Variants in DEPDC5 observed in about 807,000 individuals in gnomAD.
The protein encoded by DEPDC5 is GATOR1 complex protein DEPDC5.
A neutral mutation model predicts 217.3 loss-of-function variants in DEPDC5; 73 were observed. The observed-to-expected ratio is 0.34, with a 90% CI of 0.28 to 0.41. The LOEUF (loss-of-function observed/expected upper bound fraction) is 0.41. Ranked by LOEUF, DEPDC5 falls within the 10% of genes least tolerant of loss-of-function variation. The pLI is 1.00. For missense variants in DEPDC5, 1,675 were observed against 2,070.1 expected (o/e 0.81, Z 3.70); for synonymous variants, 733 against 756.7 (o/e 0.97, Z 0.51).
At chr22:31,888,608 G>A (rs1444610569) in intron 38 of DEPDC5, among the ~76,000 whole-genome samples, 1 of 151,964 alleles carries the variant, frequency 6.6e-6, no homozygotes, top group Non-Finnish European at 1.5e-5. Context: ...GGAGTGCTGT[G>A]GCATGATCCT....
intron 3 of DEPDC5, among the ~76,000 whole-genome samples, chr22:31,760,143 C>T (rs951302549): frequency 2.0e-5 from 3 of 151,774 alleles, no homozygotes; most frequent in African/African-American, 7.3e-5. Flanking sequence ...TCTTGGCTCA[C>T]TGCAAGCTCC....
intron 32 of DEPDC5, among the ~76,000 whole-genome samples, chr22:31,859,687 G>A (rs899378926): frequency 2.7e-4 from 41 of 152,224 alleles, no homozygotes; most frequent in East Asian, 2.1e-3. Context: ...GCCACCATGC[G>A]CAGCCGTAAA....
At chr22:31,881,393 G>A (rs2093172062) in intron 38 of DEPDC5, among the ~76,000 whole-genome samples, 1 of 152,080 alleles carries the variant, frequency 6.6e-6, no homozygotes, top group South Asian at 2.1e-4. Context: ...TGAAGGGGTG[G>A]GGAGGATAGG....
At chr22:31,773,648 CTGAGAAAAAAGATGCTGTGGGCCTCCTG>C (rs2148254811) in intron 7 of DEPDC5, among the ~76,000 whole-genome samples, 1 of 152,244 alleles carries the variant, frequency 6.6e-6, no homozygotes, top group African/African-American at 2.4e-5. Context: ...TCGTGAATGC[CTGAGAAAAAAGATGCTGTGGGCCTCCTG>C]TGAGAAAAAT....
intron 32 of DEPDC5, 42 bp from the exon 33 acceptor site, chr22:31,861,326 C>T: frequency 6.5e-7 from 1 of 1,546,054 alleles, no homozygotes; most frequent in South Asian, 1.2e-5. Context: ...TTCTTCGCTT[C>T]CTTGCAACTG....
At chr22:31,816,264 A>G (rs1288063294) in intron 21 of DEPDC5, 2 of 149,460 alleles carry the variant, frequency 1.3e-5, no homozygotes, top group Non-Finnish European at 2.9e-5. Flanking sequence ...CCACCACTGC[A>G]CTCCAGCCTG....
At chr22:31,801,055 G>A (rs944689526) in intron 14 of DEPDC5, among the ~76,000 whole-genome samples, 8 of 151,720 alleles carry the variant, frequency 5.3e-5, no homozygotes, top group Admixed American at 2.6e-4. Flanking sequence ...CACTTTCGGA[G>A]GCTTAGGCAG....
chr22:31,784,561 A>C, intron 9 of DEPDC5: 1 of 342,372 alleles, frequency 2.9e-6, no homozygotes, highest in Non-Finnish European at 5.4e-6. Context: ...CCTGGGCGGC[A>C]GTGAGCCAGT....
At chr22:31,757,918 C>T (rs575605883) in intron 2 of DEPDC5, among the ~76,000 whole-genome samples, 329 of 152,222 alleles carry the variant, frequency 2.2e-3, no homozygotes, top group Admixed American at 6.1e-3. Flanking sequence ...CTCCCACCAC[C>T]ACACCTGGCT....
intron 25 of DEPDC5, among the ~76,000 whole-genome samples, chr22:31,836,374 C>A (rs2090996932): frequency 6.6e-6 from 1 of 152,254 alleles, no homozygotes; most frequent in African/African-American, 2.4e-5. Context: ...CAGGACTGCT[C>A]TGCTAACTGC....
At chr22:31,893,039 C>G (rs1434636359) in intron 38 of DEPDC5, among the ~76,000 whole-genome samples, 1 of 152,066 alleles carries the variant, frequency 6.6e-6, no homozygotes, top group African/African-American at 2.4e-5. Context: ...CCACACCCAG[C>G]TAATTTTTGT....
Position 31,832,107 on chromosome 22 carries a change from C to T in DEPDC5, c.2105-1808C>T, listed in dbSNP as rs180727002. On this transcript the variant is annotated intron_variant, in intron 24 of 42. Coordinates refer to ENST00000651528, the MANE Select transcript of DEPDC5 (RefSeq NM_001242896.3). ...CACGTTGCCACGTGTCAATAGTTGC[C>T]TCCTTTTTATTGCTGAGTAGTATTC... 4.4e-3 allele frequency among the ~76,000 whole-genome samples: 669 copies of T among 152,312 alleles called. 7 individuals are homozygous for T. The highest frequency in any genetic ancestry group is 0.015 in the African/African-American group (635 of 41,552).
chr22:31,802,901 G>A (rs1330779705), intron 15 of DEPDC5, 63 bp downstream of exon 15: 1 of 1,482,494 alleles, frequency 6.7e-7, no homozygotes, highest in East Asian at 2.5e-5. Context: ...CCTTAGAACT[G>A]TGAGCTTCAC....
At chr22:31,858,650 T>C (rs1386232377) in intron 32 of DEPDC5, 1 of 152,240 alleles carries the variant, frequency 6.6e-6, no homozygotes, top group Non-Finnish European at 1.5e-5. Flanking sequence ...CTTTCGTTTT[T>C]TTTCCCCTAA....
At chr22:31,880,046 G>C (rs1466383069) in intron 38 of DEPDC5, 10 of 400,288 alleles carry the variant, frequency 2.5e-5, no homozygotes, top group African/African-American at 4.1e-5. Context: ...CGAGGGTTCT[G>C]TAGGATATAG....
Position 31,908,028 on chromosome 22 carries a change from C to T in DEPDC5, c.*1531C>T, listed in dbSNP as rs889431686. On this transcript the variant is annotated 3_prime_UTR_variant, in exon 43 of 43. Coordinates refer to ENST00000651528, the MANE Select transcript of DEPDC5 (RefSeq NM_001242896.3). ...TTTTATAAAACCACTGTGATTTTGC[C>T]CACCACTTAACTAGAACTTTTTGGT... The T allele has an allele frequency of 6.6e-6, 1 of 152,208 alleles. No homozygotes were observed. The highest frequency in any genetic ancestry group is 2.4e-5 in the African/African-American group (1 of 41,438). The allele number at this position is 152,208 out of a possible 1,614,324, so 9.4% of individuals were successfully genotyped here.
chr22:31,843,003 C>G, intron 27 of DEPDC5, 92 bp from the exon 28 acceptor site: 3 of 916,088 alleles, frequency 3.3e-6, no homozygotes, highest in Non-Finnish European at 4.9e-6. Flanking sequence ...GAAAGTGTTA[C>G]ATTGTTTTCT....
At chr22:31,809,762 C>T (rs1189534957) in intron 19 of DEPDC5, 115 bp downstream of exon 19, 2 of 1,047,394 alleles carry the variant, frequency 1.9e-6, no homozygotes, top group African/African-American at 1.6e-5. Context: ...GGTGGATCAC[C>T]TGAGGTCAGG....
intron 24 of DEPDC5, among the ~76,000 whole-genome samples, chr22:31,823,347 T>C (rs537909117): frequency 1.3e-5 from 2 of 151,774 alleles, no homozygotes; most frequent in East Asian, 3.9e-4. Flanking sequence ...CTGGCCAACA[T>C]GGTAAAACCC....
Sources: gnomAD v4.1 joint callset for allele counts (sites outside exome capture counted in the v4.1 genomes callset) on GRCh38, gnomAD v4.1.1 for gene constraint, MANE v1.5 for transcripts, NCBI Gene and HGNC (gene_info 2026-07-23, HGNC 2026-07-21) for gene names.